The following PAM variants were observed in gnomAD, a reference collection of about 807,000 sequenced individuals.
The protein encoded by PAM is peptidylglycine alpha-amidating monooxygenase.
PAM carries 72 observed loss-of-function variants against 122.1 expected under a neutral mutation model. The observed-to-expected ratio is 0.59, with a 90% CI of 0.49 to 0.72. The LOEUF is 0.72. PAM is among the 30% of genes least tolerant of loss of function. PAM has a pLI of 0.00. For missense variants in PAM, 1,106 were observed against 1,183.7 expected (o/e 0.93, Z 0.96); for synonymous variants, 389 against 404.4 (o/e 0.96, Z 0.46).
At chr5:102,804,001 G>A (rs1765567921) in intron 1 of PAM, among the ~76,000 whole-genome samples, 1 of 152,162 alleles carries the variant, frequency 6.6e-6, no homozygotes, top group African/African-American at 2.4e-5. Flanking sequence ...GTTTGGAATG[G>A]TAGGGAGGAG....
Position 102,865,966 on chromosome 5 carries a change from G to A in PAM, c.-230G>A, listed in dbSNP as rs13168005. ...GGAGGAAAGCTTCCGCCTGCGGGCC[G>A]GACAAAAGTCCCGCCTGCCCACGGC... On this transcript the variant is annotated 5_prime_UTR_variant, in exon 2 of 26. Transcript: ENST00000438793. 5.3e-5 allele frequency: 23 copies of A among 436,578 alleles called. No homozygotes were observed. The highest frequency in any genetic ancestry group is 8.0e-5 in the Non-Finnish European group (20 of 250,772). 27.0% of individuals were successfully genotyped at this position (436,578 alleles called of 1,614,324 possible). A position where few individuals can be genotyped will look rare whatever the true frequency, so the allele number is the denominator to read the frequency against.
At chr5:102,881,289 A>G (rs73192767) in intron 3 of PAM, among the ~76,000 whole-genome samples, 7,094 of 152,058 alleles carry the variant, frequency 0.047, 349 homozygotes, top group East Asian at 0.18. Flanking sequence ...CCCAAAAGAA[A>G]AGTAAATTAG....
intron 1 of PAM, among the ~76,000 whole-genome samples, chr5:102,863,999 T>C (rs1258913505): frequency 2.0e-5 from 3 of 151,448 alleles, no homozygotes; most frequent in African/African-American, 7.2e-5. Context: ...ATAAGTGGAA[T>C]ATTTTTTTCA....
At chr5:102,899,968 A>G (rs1433245787) in intron 3 of PAM, among the ~76,000 whole-genome samples, 2 of 151,580 alleles carry the variant, frequency 1.3e-5, no homozygotes, top group Non-Finnish European at 3.0e-5. Context: ...CAAGGTGCCC[A>G]CTGGACTGAG....
intron 23 of PAM, among the ~76,000 whole-genome samples, chr5:103,023,533 T>C (rs1583014062): frequency 6.7e-6 from 1 of 149,904 alleles, no homozygotes; most frequent in African/African-American, 2.4e-5. Context: ...AAATGAGTGG[T>C]CAGAAAGAAT....
At chr5:102,979,354 T>C (rs1562115372) in intron 15 of PAM, among the ~76,000 whole-genome samples, 2 of 152,314 alleles carry the variant, frequency 1.3e-5, no homozygotes, top group Middle Eastern at 6.8e-3. Flanking sequence ...ATTCTTGTTT[T>C]CTTTCTTACT....
chr5:102,892,671 A>T (rs558428921), intron 3 of PAM, among the ~76,000 whole-genome samples: 43 of 151,988 alleles, frequency 2.8e-4, no homozygotes, highest in African/African-American at 9.4e-4. Context: ...TGTCACCAGC[A>T]ATGAAATAAA....
At chr5:102,882,390 T>G (rs775170263) in intron 3 of PAM, among the ~76,000 whole-genome samples, 1 of 151,604 alleles carries the variant, frequency 6.6e-6, no homozygotes, top group Admixed American at 6.6e-5. Flanking sequence ...CATCTATTAT[T>G]TTATAGATTT....
At chr5:102,890,252 A>T (rs1408231005) in intron 3 of PAM, among the ~76,000 whole-genome samples, 2 of 151,912 alleles carry the variant, frequency 1.3e-5, no homozygotes, top group African/African-American at 4.8e-5. Context: ...TACCAGCAGA[A>T]GGTAATCTGA....
Position 103,007,585 on chromosome 5 carries a change from A to G in PAM, c.2143A>G (p.Thr715Ala), listed in dbSNP as rs1212962888. Residue 715 changes from threonine to alanine, a missense_variant, in exon 20 of 26, where the codon ACC becomes GCC. By Grantham distance (58) the Thr-to-Ala change is moderately conservative (BLOSUM62 0). This residue lies in a region of PAM where 333 missense variants were observed against 335.6 expected (regional missense o/e 0.99). Transcript: ENST00000438793. ...TCGGATCCAGTGTTTTAAAACTGAC[A>G]CCAAAGAATTTGTGAGAGAGATTAA... Reference protein sequence around the residue: ...NGRIQCFKTDTKEFVREIKHS... With the variant: ...NGRIQCFKTDAKEFVREIKHS... 5 of 1,613,714 alleles carry G rather than the reference A, an allele frequency of 3.1e-6. No homozygotes were observed. In the African/African-American group the frequency reaches 6.7e-5, roughly 22 times the overall value.
chr5:103,027,661 C>T (rs190447007), intron 24 of PAM, among the ~76,000 whole-genome samples: 34 of 152,184 alleles, frequency 2.2e-4, no homozygotes, highest in African/African-American at 2.4e-4. Context: ...AAAGAAGAAA[C>T]GATATACATG....
chr5:102,898,908 C>T (rs1206600733), intron 3 of PAM, among the ~76,000 whole-genome samples: 4 of 151,632 alleles, frequency 2.6e-5, no homozygotes, highest in Non-Finnish European at 5.9e-5. Context: ...AATTACTTAC[C>T]ATCTTCAGCT....
At chr5:102,881,129 T>TAC (rs34434423) in intron 3 of PAM, among the ~76,000 whole-genome samples, 38,825 of 145,586 alleles carry the variant, frequency 0.27, 5,307 homozygotes, top group Non-Finnish European at 0.3. Flanking sequence ...TTTTTATACA[T>TAC]ACACACACAC....
intron 5 of PAM, among the ~76,000 whole-genome samples, chr5:102,923,567 G>C (rs564673056): frequency 6.6e-6 from 1 of 152,264 alleles, no homozygotes; most frequent in Admixed American, 6.5e-5. Flanking sequence ...AACAATGTTT[G>C]GATTAAATCC....
At chr5:102,920,578 T>C (rs1747077504) in intron 5 of PAM, among the ~76,000 whole-genome samples, 1 of 152,152 alleles carries the variant, frequency 6.6e-6, no homozygotes, top group East Asian at 1.9e-4. Flanking sequence ...GAAAATATTC[T>C]ATGGGTTTAT....
chr5:102,889,569 A>AT (rs981335069), intron 3 of PAM, among the ~76,000 whole-genome samples: 2 of 150,886 alleles, frequency 1.3e-5, no homozygotes, highest in South Asian at 2.1e-4. Flanking sequence ...TGTGTCTTCT[A>AT]TTTTTTTTAA....
In PAM at chr5:103,019,857, C is replaced by T; in HGVS notation, c.2485+14C>T. 6.4e-7 allele frequency: 1 copy of T among 1,550,794 alleles called. No individual in the cohort carries two copies. The highest frequency in any genetic ancestry group is 8.9e-7 in the Non-Finnish European group (1 of 1,122,592). Reference sequence around the variant, plus strand: ...AGGAAATCAAAGGTTGGTCAGATTCCTCTTATTACTATAAAACCAAAGTCT... The same window carrying T: ...AGGAAATCAAAGGTTGGTCAGATTCTTCTTATTACTATAAAACCAAAGTCT... On this transcript the variant is annotated intron_variant, in intron 23 of 25. Coordinates refer to ENST00000438793, the MANE Select transcript of PAM (RefSeq NM_001177306.2).
At chr5:102,828,326 T>G (rs1261295632) in intron 1 of PAM, among the ~76,000 whole-genome samples, 2 of 149,558 alleles carry the variant, frequency 1.3e-5, no homozygotes, top group African/African-American at 2.5e-5. Flanking sequence ...CCAGCCTAGG[T>G]GACAGAGCAA....
At chr5:102,971,073 G>GCT (rs372630785) in intron 14 of PAM, among the ~76,000 whole-genome samples, 1 of 152,144 alleles carries the variant, frequency 6.6e-6, no homozygotes, top group East Asian at 1.9e-4. Context: ...TCCCAGTGCT[G>GCT]GGATTACAGG....
Sources: allele counts gnomAD v4.1 joint callset (sites outside exome capture counted in the v4.1 genomes callset), GRCh38; gene constraint gnomAD v4.1.1; regional missense constraint gnomAD v4.1.1; transcripts MANE v1.5; gene names NCBI Gene and HGNC (gene_info 2026-07-23, HGNC 2026-07-21).